The following PLCH1 variants were observed in gnomAD, a reference collection of about 807,000 sequenced individuals.
The protein encoded by PLCH1 is phospholipase C eta 1.
A neutral mutation model predicts 126.7 loss-of-function variants in PLCH1; 60 were observed. The observed-to-expected ratio is 0.47, with a 90% CI of 0.38 to 0.59. The LOEUF is 0.59. Among genes scored for constraint, PLCH1 ranks in the 20% least tolerant of loss-of-function variants. The probability of loss-of-function intolerance (pLI) is 0.00; values close to 1 mark genes in which losing one functional copy is unlikely to be tolerated. For missense variants in PLCH1, 1,723 were observed against 2,040.0 expected (o/e 0.84, Z 2.99); for synonymous variants, 719 against 734.9 (o/e 0.98, Z 0.35).
chr3:155,597,446 C>T (rs546009365), intron 2 of PLCH1, among the ~76,000 whole-genome samples: 37 of 152,132 alleles, frequency 2.4e-4, no homozygotes, highest in Non-Finnish European at 3.8e-4. Flanking sequence ...TTTATTATAT[C>T]AACCAGAAAT....
rs146699557 is a variant in PLCH1, at chr3:155,668,136, G to C, written c.79+36010C>G. Among the ~76,000 whole-genome samples, 844 of 143,764 alleles carry C rather than the reference G, an allele frequency of 5.9e-3. 12 individuals are homozygous for C. Among genetic ancestry groups the C allele is most frequent in the African/African-American group, 0.021 (799 of 38,574 alleles). 94.3% of individuals were successfully genotyped at this position (143,764 alleles called of 152,430 possible). ...TCACATCACCCAGCAAATACAAAGA[G>C]AATGCTAGTCAGGAACTGCTAACAC... On this transcript the variant is annotated intron_variant, in intron 2 of 22. Coordinates refer to ENST00000460012, the MANE Select transcript of PLCH1 (RefSeq NM_014996.4).
chr3:155,531,190 A>G (rs143782030), intron 10 of PLCH1, among the ~76,000 whole-genome samples: 134 of 152,354 alleles, frequency 8.8e-4, no homozygotes, highest in African/African-American at 3.1e-3. Context: ...GCTTCAACTT[A>G]AAGTCATTAG....
chr3:155,551,152 A>C (rs890659435), intron 9 of PLCH1, among the ~76,000 whole-genome samples: 2 of 152,152 alleles, frequency 1.3e-5, no homozygotes, highest in African/African-American at 4.8e-5. Context: ...ATTTACAAAA[A>C]ATCTATTAGT....
chr3:155,716,225 T>C (rs1747494378), intron 1 of PLCH1, among the ~76,000 whole-genome samples: 1 of 152,248 alleles, frequency 6.6e-6, no homozygotes, highest in Non-Finnish European at 1.5e-5. Context: ...ATGACACTAA[T>C]CCTTTGATAA....
chr3:155,518,221 A>G (rs1157060627), intron 11 of PLCH1, among the ~76,000 whole-genome samples: 1 of 152,214 alleles, frequency 6.6e-6, no homozygotes, highest in African/African-American at 2.4e-5. Flanking sequence ...TGACTGCAGG[A>G]AGCAAACCCA....
intron 6 of PLCH1, among the ~76,000 whole-genome samples, chr3:155,578,797 G>A (rs1194052472): frequency 1.3e-5 from 2 of 152,134 alleles, no homozygotes; most frequent in African/African-American, 2.4e-5. Flanking sequence ...GTGGAAAACA[G>A]CAGAAAAGGA....
intron 2 of PLCH1, among the ~76,000 whole-genome samples, chr3:155,628,014 C>A (rs970606549): frequency 5.9e-5 from 9 of 151,928 alleles, no homozygotes; most frequent in South Asian, 4.2e-4. Flanking sequence ...TGATCCACCC[C>A]CTTCGGGCTC....
intron 15 of PLCH1, among the ~76,000 whole-genome samples, chr3:155,496,787 G>A (rs2108111034): frequency 6.6e-6 from 1 of 152,314 alleles, no homozygotes; most frequent in East Asian, 1.9e-4. Context: ...TCAGCTCCGT[G>A]TGGCAACTGA....
chr3:155,634,188 A>G (rs970302588), intron 2 of PLCH1, among the ~76,000 whole-genome samples: 4 of 152,172 alleles, frequency 2.6e-5, no homozygotes, highest in African/African-American at 7.2e-5. Flanking sequence ...AAGTCAAAAC[A>G]ACTCAGAAAA....
intron 21 of PLCH1, among the ~76,000 whole-genome samples, chr3:155,458,394 GA>G: frequency 4.5e-5 from 1 of 22,098 alleles, no homozygotes; most frequent in Non-Finnish European, 7.6e-5. Context: ...AAGAAGGAAG[GA>G]AGGAAGGAAG....
At chr3:155,553,484 G>T (rs1423068104) in intron 9 of PLCH1, among the ~76,000 whole-genome samples, 1 of 152,190 alleles carries the variant, frequency 6.6e-6, no homozygotes, top group Non-Finnish European at 1.5e-5. Flanking sequence ...TATCCAGAAA[G>T]TGATCTAGGG....
Position 155,452,199 on chromosome 3 carries a change from C to T in PLCH1, c.2938+33157G>A, listed in dbSNP as rs566942401. Among the ~76,000 whole-genome samples, 392 of 152,250 alleles carry T rather than the reference C, an allele frequency of 2.6e-3. 1 individual carries two copies. Among genetic ancestry groups the T allele is most frequent in the African/African-American group, 9.0e-3 (373 of 41,556 alleles). ...TAGGAGGAGAAAGGCACTTCTTACA[C>T]GGTGGCAGCAAGAGAAAATGAGGAA... is the stretch of plus-strand genomic sequence containing the variant. On this transcript the variant is annotated intron_variant, in intron 21 of 21. Transcript: ENST00000494598.
chr3:155,677,668 AT>A (rs1348238882), intron 2 of PLCH1, among the ~76,000 whole-genome samples: 1 of 152,222 alleles, frequency 6.6e-6, no homozygotes, highest in Admixed American at 6.5e-5. Flanking sequence ...TATTGCAGTA[AT>A]TAATTTAATA....
In PLCH1 at chr3:155,487,791, T is replaced by C. The variant is rs528187904; in HGVS notation, c.2619+237A>G. On this transcript the variant is annotated intron_variant, in intron 21 of 22. Coordinates refer to ENST00000460012, the MANE Select transcript of PLCH1 (RefSeq NM_014996.4). ...GAGAGAATAATAGTTTTCTCAATTC[T>C]ATTAAGCCCAGAGAGGGCCCCTGTA... 3.3e-5 allele frequency among the ~76,000 whole-genome samples: 5 copies of C among 152,336 alleles called. No homozygotes were observed. In the East Asian group the frequency reaches 9.6e-4, roughly 29 times the overall value.
At chr3:155,685,014 C>A (rs778086272) in intron 2 of PLCH1, among the ~76,000 whole-genome samples, 3 of 152,146 alleles carry the variant, frequency 2.0e-5, no homozygotes, top group South Asian at 4.1e-4. Context: ...TCCTTGAGAG[C>A]TAGAACAATG....
intron 12 of PLCH1, among the ~76,000 whole-genome samples, chr3:155,513,099 A>G (rs41467345): frequency 0.031 from 4,728 of 152,298 alleles, 85 homozygotes; most frequent in Non-Finnish European, 0.042. Flanking sequence ...GGTCCAGAAA[A>G]GTAGAAGCTG....
At position 155,567,205 on chromosome 3, in the gene PLCH1, T is replaced by G. The variant is rs943059397; in HGVS notation, c.865+1026A>C. On this transcript the variant is annotated intron_variant, in intron 7 of 22. Transcript: ENST00000460012. Reference sequence around the variant, plus strand: ...CTCGTGCCTCAGTTTCCTGAGTAGCTGGGATTACAGGCATGCGCCACCATG... The same window carrying G: ...CTCGTGCCTCAGTTTCCTGAGTAGCGGGGATTACAGGCATGCGCCACCATG... Among the ~76,000 whole-genome samples, 10 of 152,200 alleles carry G rather than the reference T, an allele frequency of 6.6e-5. No individual in the cohort carries two copies. In the East Asian group the frequency reaches 1.9e-3, roughly 29 times the overall value.
chr3:155,551,209 C>T (rs1050264258), intron 9 of PLCH1, among the ~76,000 whole-genome samples: 5 of 152,010 alleles, frequency 3.3e-5, no homozygotes, highest in African/African-American at 9.7e-5. Flanking sequence ...CTTTGGGAGG[C>T]CGAAGCAGGC....
chr3:155,712,837 C>T (rs1747236345), intron 1 of PLCH1, among the ~76,000 whole-genome samples: 1 of 151,618 alleles, frequency 6.6e-6, no homozygotes, highest in Non-Finnish European at 1.5e-5. Context: ...TGACTGCCGT[C>T]TCCACCTCTT....
Sources: allele counts gnomAD v4.1 joint callset (sites outside exome capture counted in the v4.1 genomes callset), GRCh38; gene constraint gnomAD v4.1.1; transcripts MANE v1.5; gene names NCBI Gene and HGNC (gene_info 2026-07-23, HGNC 2026-07-21).